PLS3: variants seen among roughly 807,000 people sequenced by gnomAD.
PLS3 encodes plastin 3.
PLS3 carries 11 observed loss-of-function variants against 46.5 expected under a neutral mutation model. That is an observed-to-expected ratio of 0.24 (90% CI 0.15 to 0.39). The LOEUF (loss-of-function observed/expected upper bound fraction) is 0.39. Ranked by LOEUF, PLS3 falls within the 10% of genes least tolerant of loss-of-function variation. The pLI is 1.00. For missense variants in PLS3, 308 were observed against 461.8 expected (o/e 0.67, Z 3.05); for synonymous variants, 167 against 162.2 (o/e 1.03, Z -0.22).
intron 5 of PLS3, among the ~76,000 whole-genome samples, chrX:115,630,520 C>T (rs1478983442): frequency 9.2e-6 from 1 of 108,641 alleles, no homozygotes; most frequent in Non-Finnish European, 1.9e-5. Flanking sequence ...AGCGGTACAA[C>T]TGTGATCATA....
Position 115,647,659 on chromosome X carries a change from A to G in PLS3, c.1621A>G (p.Ile541Val), listed in dbSNP as rs782576315. Residue 541 changes from isoleucine to valine, a missense_variant, in exon 14 of 16, where the codon ATT becomes GTT. Physicochemically the swap from Ile to Val is conservative, Grantham distance 29. Around this residue, in one of 2 missense-constraint regions of PLS3, gnomAD observed 271 missense variants for 435.7 expected, o/e 0.62. Coordinates refer to ENST00000355899, the MANE Select transcript of PLS3 (RefSeq NM_005032.7). ...GAGTGAAGCTGGAAAATCAACTTCC[A>G]TTCAGAGTTTTAAGGTCAGAATCCA... ...TLSEAGKSTS[I>V]QSFKDKTISS... 4 of 1,205,449 alleles carry G rather than the reference A, an allele frequency of 3.3e-6. No individual in the cohort carries two copies. The South Asian group carries it at 7.0e-5, about 21-fold the overall frequency.
At chrX:115,635,128 G>T in intron 7 of PLS3, 82 bp downstream of exon 7, 1 of 817,400 alleles carries the variant, frequency 1.2e-6, no homozygotes, top group Non-Finnish European at 1.8e-6. Flanking sequence ...TCACTTAATG[G>T]AGGTGATTAA....
chrX:115,605,396 A>G (rs1301319036), intron 1 of PLS3, among the ~76,000 whole-genome samples: 2 of 112,026 alleles, frequency 1.8e-5, no homozygotes, highest in Non-Finnish European at 3.8e-5. Flanking sequence ...TAATTTTTGG[A>G]CTAAACTGGT....
chrX:115,634,089 T>G lies in PLS3; in HGVS notation c.582+8T>G, dbSNP rs189475474. On this transcript the variant is annotated splice_region_variant and intron_variant, in intron 6 of 15. Coordinates refer to ENST00000355899, the MANE Select transcript of PLS3 (RefSeq NM_005032.7). The stretch of plus-strand genomic sequence containing the variant: ...ACACCCTTCATCATTCAGGTATGCA[T>G]TGTTCTCCCCTCCCTTTAACATGAA... 1.7e-4 allele frequency: 177 copies of G among 1,037,302 alleles called. No homozygotes were observed. The African/African-American group carries it at 2.9e-3, about 17-fold the overall frequency. 85.5% of individuals were successfully genotyped at this position (1,037,302 alleles called of 1,213,427 possible).
At chrX:115,628,743 T>A (rs2074735688) in intron 3 of PLS3, among the ~76,000 whole-genome samples, 1 of 112,303 alleles carries the variant, frequency 8.9e-6, no homozygotes, top group Non-Finnish European at 1.9e-5. Context: ...TTTGATTTAA[T>A]GAATTCTTAA....
chrX:115,616,349 G>A (rs1187440680), intron 2 of PLS3, among the ~76,000 whole-genome samples: 1 of 111,470 alleles, frequency 9.0e-6, no homozygotes, highest in Non-Finnish European at 1.9e-5. Flanking sequence ...ATTCATTTTG[G>A]GTTATTTGGA....
intron 5 of PLS3, among the ~76,000 whole-genome samples, chrX:115,632,094 G>A (rs782719713): frequency 2.7e-4 from 30 of 111,001 alleles, no homozygotes; most frequent in African/African-American, 9.1e-4. Flanking sequence ...ATGAGCCACC[G>A]TGCCCGGCCT....
chrX:115,615,240 C>G (rs2074585650), intron 2 of PLS3, among the ~76,000 whole-genome samples: 1 of 110,779 alleles, frequency 9.0e-6, no homozygotes, highest in Admixed American at 9.7e-5. Flanking sequence ...TTTCTCCAGA[C>G]AAGTACTTAA....
At chrX:115,647,302 G>A (rs782648538) in intron 13 of PLS3, among the ~76,000 whole-genome samples, 84 of 111,027 alleles carry the variant, frequency 7.6e-4, no homozygotes, top group Non-Finnish European at 1.4e-3. Flanking sequence ...GCGTGGTGGT[G>A]GGCACCTGTA....
chrX:115,576,276 A>C (rs1291913923), intron 1 of PLS3, among the ~76,000 whole-genome samples: 1 of 112,154 alleles, frequency 8.9e-6, no homozygotes, highest in Non-Finnish European at 1.9e-5. Context: ...AGATGATTAA[A>C]AGAATCACCA....
intron 9 of PLS3, among the ~76,000 whole-genome samples, chrX:115,641,964 G>A (rs1556641047): frequency 9.2e-6 from 1 of 108,421 alleles, no homozygotes; most frequent in African/African-American, 3.4e-5. Context: ...CCACCACCCA[G>A]GTGCCTTTGC....
At chrX:115,616,470 T>C (rs190404712) in intron 2 of PLS3, among the ~76,000 whole-genome samples, 2 of 112,050 alleles carry the variant, frequency 1.8e-5, no homozygotes, top group African/African-American at 6.5e-5. Flanking sequence ...ATGTAGAAAA[T>C]TAGATTGAAT....
At chrX:115,604,006 C>G (rs782401342) in intron 1 of PLS3, among the ~76,000 whole-genome samples, 1 of 111,729 alleles carries the variant, frequency 9.0e-6, no homozygotes, top group South Asian at 3.8e-4. Context: ...GAAAAGTGAT[C>G]CTAAAATATT....
chrX:115,645,598 C>T (rs887696804), intron 11 of PLS3, among the ~76,000 whole-genome samples: 6 of 111,847 alleles, frequency 5.4e-5, no homozygotes, highest in African/African-American at 1.3e-4. Context: ...GTTCTTTGCT[C>T]GCATATAGTG....
At chrX:115,606,267 A>C (rs1218028072) in intron 1 of PLS3, among the ~76,000 whole-genome samples, 1 of 92,157 alleles carries the variant, frequency 1.1e-5, no homozygotes, top group Non-Finnish European at 2.0e-5. Context: ...CCTCCAGAGT[A>C]GCTGGGATTA....
At chrX:115,644,229 A>AT (rs782658244) in intron 10 of PLS3, among the ~76,000 whole-genome samples, 2 of 109,771 alleles carry the variant, frequency 1.8e-5, no homozygotes, top group Middle Eastern at 4.6e-3. Flanking sequence ...ATATATACTA[A>AT]TTTTTTTTTA....
chrX:115,634,291 C>T (rs2074807834), intron 6 of PLS3, among the ~76,000 whole-genome samples: 1 of 111,730 alleles, frequency 9.0e-6, no homozygotes, highest in African/African-American at 3.3e-5. Context: ...GGTTCAAATC[C>T]CATTCTAATT....
intron 1 of PLS3, among the ~76,000 whole-genome samples, chrX:115,582,353 T>C (rs2074283852): frequency 8.9e-6 from 1 of 112,051 alleles, no homozygotes; most frequent in South Asian, 3.7e-4. Flanking sequence ...ATGATGAGAC[T>C]TTAGCTGTAC....
At chrX:115,636,012 C>T (rs1295255659) in intron 7 of PLS3, among the ~76,000 whole-genome samples, 1 of 110,182 alleles carries the variant, frequency 9.1e-6, no homozygotes, top group African/African-American at 3.3e-5. Context: ...TAGTGCGAGA[C>T]TCTCTCAAAA....
Sources: allele counts gnomAD v4.1 joint callset (sites outside exome capture counted in the v4.1 genomes callset), GRCh38; gene constraint gnomAD v4.1.1; regional missense constraint gnomAD v4.1.1; transcripts MANE v1.5; gene names NCBI Gene and HGNC (gene_info 2026-07-23, HGNC 2026-07-21).